The following PDE1C variants were observed in gnomAD, a reference collection of about 807,000 sequenced individuals.
PDE1C encodes the protein dual specificity calcium/calmodulin-dependent 3',5'-cyclic nucleotide phosphodiesterase 1C.
Under a neutral mutation model 93.1 loss-of-function variants are expected in PDE1C, and 62 were observed. That is an observed-to-expected ratio of 0.67 (90% CI 0.54 to 0.82). The LOEUF (loss-of-function observed/expected upper bound fraction) is 0.82. PDE1C is among the 40% of genes least tolerant of loss of function. The pLI is 0.00. For missense variants in PDE1C, 742 were observed against 884.6 expected (o/e 0.84, Z 2.04); for synonymous variants, 325 against 310.1 (o/e 1.05, Z -0.50).
At chr7:32,314,928 A>G (rs771293385) in intron 1 of PDE1C, among the ~76,000 whole-genome samples, 11 of 151,416 alleles carry the variant, frequency 7.3e-5, no homozygotes, top group Non-Finnish European at 1.6e-4. Flanking sequence ...GACAATAAAT[A>G]TGTTCCTTAT....
intron 1 of PDE1C, 86 bp from the exon 2 acceptor site, chr7:32,051,666 T>C (rs1793396538): frequency 1.5e-5 from 16 of 1,103,390 alleles, no homozygotes; most frequent in Non-Finnish European, 1.9e-5. Flanking sequence ...GGGATGGGCA[T>C]GGGGGTCAAC....
intron 2 of PDE1C, among the ~76,000 whole-genome samples, chr7:32,205,634 G>C (rs538135716): frequency 6.6e-6 from 1 of 152,156 alleles, no homozygotes; most frequent in Admixed American, 6.5e-5. Flanking sequence ...GTCTGCTTGT[G>C]CCCTGCAGAA....
intron 1 of PDE1C, among the ~76,000 whole-genome samples, chr7:32,249,858 G>C (rs541201505): frequency 2.8e-4 from 42 of 152,248 alleles, no homozygotes; most frequent in African/African-American, 9.6e-4. Flanking sequence ...ATGTGCTCAA[G>C]GGTTACCTTT....
intron 2 of PDE1C, among the ~76,000 whole-genome samples, chr7:32,007,019 C>A (rs1379403977): frequency 6.6e-6 from 1 of 152,192 alleles, no homozygotes; most frequent in African/African-American, 2.4e-5. Flanking sequence ...TTGGTGTAAT[C>A]ATAGTCCTAT....
chr7:31,925,444 A>T (rs1446320119), intron 2 of PDE1C, among the ~76,000 whole-genome samples: 3 of 144,130 alleles, frequency 2.1e-5, no homozygotes, highest in Non-Finnish European at 4.5e-5. Context: ...AGAATGAAGG[A>T]AATTGATACA....
intron 1 of PDE1C, among the ~76,000 whole-genome samples, chr7:32,263,562 C>T (rs1462894807): frequency 1.3e-5 from 2 of 152,126 alleles, no homozygotes; most frequent in Non-Finnish European, 2.9e-5. Context: ...TTTAATCTCC[C>T]ATACACACTC....
intron 2 of PDE1C, among the ~76,000 whole-genome samples, chr7:31,924,344 G>A (rs1462087510): frequency 1.3e-5 from 2 of 152,160 alleles, no homozygotes; most frequent in East Asian, 1.9e-4. Context: ...GGGGCATCTG[G>A]TTGACAATAA....
At chr7:32,001,797 C>A (rs1688636053) in intron 2 of PDE1C, among the ~76,000 whole-genome samples, 2 of 152,168 alleles carry the variant, frequency 1.3e-5, no homozygotes, top group South Asian at 4.1e-4. Flanking sequence ...TGGCTGGGCA[C>A]ACCTGTAATC....
chr7:32,062,977 G>A (rs1458182617), intron 1 of PDE1C, among the ~76,000 whole-genome samples: 15 of 152,178 alleles, frequency 9.9e-5, no homozygotes, highest in Non-Finnish European at 1.0e-4. Context: ...GGAACATCTA[G>A]CTTTGTCTTA....
At chr7:32,093,374 C>G (rs754955518) in intron 3 of PDE1C, among the ~76,000 whole-genome samples, 1 of 152,242 alleles carries the variant, frequency 6.6e-6, no homozygotes, top group Non-Finnish European at 1.5e-5. Context: ...TCCAAAATCC[C>G]ATTCCCTTTT....
the PDE1C span, chr7:31,656,049 C>T: frequency 2.0e-6 from 2 of 975,774 alleles, no homozygotes; most frequent in Non-Finnish European, 2.4e-6. Context: ...AGTCCTAGGG[C>T]AGACCCCATC....
At chr7:32,195,883 G>A (rs1009774373) in intron 2 of PDE1C, among the ~76,000 whole-genome samples, 1 of 152,162 alleles carries the variant, frequency 6.6e-6, no homozygotes, top group Non-Finnish European at 1.5e-5. Flanking sequence ...GAGGAAGGAT[G>A]TAGCTTTGTT....
At chr7:32,210,553 T>G (rs918346318) in intron 1 of PDE1C, among the ~76,000 whole-genome samples, 2 of 152,190 alleles carry the variant, frequency 1.3e-5, no homozygotes, top group African/African-American at 2.4e-5. Flanking sequence ...GTCGAAAAAT[T>G]TATTCCACCC....
chr7:32,169,134 A>G (rs117281672), intron 3 of PDE1C, among the ~76,000 whole-genome samples: 2,762 of 151,314 alleles, frequency 0.018, 35 homozygotes, highest in Non-Finnish European at 0.03. Flanking sequence ...CCATTTGGGG[A>G]AAAAAAAATC....
chr7:32,267,127 C>A (rs1810633798), intron 1 of PDE1C, among the ~76,000 whole-genome samples: 1 of 152,238 alleles, frequency 6.6e-6, no homozygotes, highest in Non-Finnish European at 1.5e-5. Flanking sequence ...AAGCCCTGAG[C>A]AGCGGCGGCC....
chr7:32,103,353 A>C (rs1327050106), intron 3 of PDE1C, among the ~76,000 whole-genome samples: 1 of 152,126 alleles, frequency 6.6e-6, no homozygotes, highest in African/African-American at 2.4e-5. Context: ...CAAGACTTGA[A>C]GGAATCAAGT....
chr7:31,678,217 A>AT, the PDE1C span, among the ~76,000 whole-genome samples: 15 of 152,146 alleles, frequency 9.9e-5, no homozygotes, highest in African/African-American at 3.6e-4. Flanking sequence ...TAAAAACACC[A>AT]TTTTTCTGGA....
intron 16 of PDE1C, among the ~76,000 whole-genome samples, chr7:31,796,293 GTACA>G (rs1024477196): frequency 2.0e-5 from 3 of 151,178 alleles, no homozygotes; most frequent in African/African-American, 7.3e-5. Context: ...ATGTATGTGT[GTACA>G]TATATATGTG....
At chr7:31,916,813 A>G (rs949841403) in intron 2 of PDE1C, among the ~76,000 whole-genome samples, 1 of 152,216 alleles carries the variant, frequency 6.6e-6, no homozygotes, top group Non-Finnish European at 1.5e-5. Context: ...GCTCCATCAG[A>G]TCACCTATCA....
Sources: gnomAD v4.1 joint callset for allele counts (sites outside exome capture counted in the v4.1 genomes callset) on GRCh38, gnomAD v4.1.1 for gene constraint, MANE v1.5 for transcripts, NCBI Gene and HGNC (gene_info 2026-07-23, HGNC 2026-07-21) for gene names.